The following ZNF626 variants were observed in gnomAD, a reference collection of about 807,000 sequenced individuals.
The protein encoded by ZNF626 is zinc finger protein 626.
Under a neutral mutation model 11.7 loss-of-function variants are expected in ZNF626, and 4 were observed. The observed-to-expected ratio is 0.34, with a 90% CI of 0.17 to 0.78. The LOEUF is 0.78. Among genes scored for constraint, ZNF626 ranks in the 30% least tolerant of loss-of-function variants. The probability of loss-of-function intolerance (pLI) is 0.57; values close to 1 mark genes in which losing one functional copy is unlikely to be tolerated. For missense variants in ZNF626, 588 were observed against 587.1 expected (o/e 1.00, Z -0.01); for synonymous variants, 179 against 198.6 (o/e 0.90, Z 0.83).
At chr19:20,636,955 C>T (rs1470592448) in intron 3 of ZNF626, among the ~76,000 whole-genome samples, 12 of 132,912 alleles carry the variant, frequency 9.0e-5, no homozygotes, top group Middle Eastern at 4.4e-3. Flanking sequence ...AAGGAGGTGG[C>T]GACTGTAATG....
intron 1 of ZNF626, among the ~76,000 whole-genome samples, chr19:20,660,488 TG>T (rs1970254064): frequency 6.6e-6 from 1 of 152,156 alleles, no homozygotes; most frequent in South Asian, 2.1e-4. Context: ...GCGCGATGAT[TG>T]GATCTCAGCT....
At chr19:20,642,035 T>C (rs1361730129) in intron 3 of ZNF626, among the ~76,000 whole-genome samples, 1 of 152,024 alleles carries the variant, frequency 6.6e-6, no homozygotes, top group African/African-American at 2.4e-5. Flanking sequence ...ATTAAACCCA[T>C]GTTGAAAATA....
rs540460021 is a variant in ZNF626 at position 20,641,509 on chromosome 19, AT to A, written c.226+4174del. ...AATTAGCAGTTGTTATTTCATGGGT[AT>A]TGAGTTTTAGTTTTGCAAGATGTAA... On this transcript the variant is annotated intron_variant, in intron 3 of 3. Coordinates refer to ENST00000601440, the MANE Select transcript of ZNF626 (RefSeq NM_001076675.3). 2.5e-3 allele frequency among the ~76,000 whole-genome samples: 374 copies of A among 152,272 alleles called. 1 individual carries two copies. The highest frequency in any genetic ancestry group is 4.4e-3 in the Non-Finnish European group (299 of 68,020).
intron 1 of ZNF626, among the ~76,000 whole-genome samples, chr19:20,655,439 T>C (rs1970194415): frequency 6.6e-6 from 1 of 152,208 alleles, no homozygotes; most frequent in Admixed American, 6.5e-5. Flanking sequence ...AATCTGTGTC[T>C]ACCTTAAAGG....
rs1969744222 is a variant in ZNF626, at chr19:20,620,418, A to G, written c.*3872T>C. The G allele has an allele frequency of 6.6e-6, 1 of 152,214 alleles. No individual in the cohort carries two copies. Among genetic ancestry groups the G allele is most frequent in the Non-Finnish European group, 1.5e-5 (1 of 68,040 alleles). The allele number at this position is 152,214 out of a possible 1,614,324, so 9.4% of individuals were successfully genotyped here. On this transcript the variant is annotated 3_prime_UTR_variant, in exon 4 of 4. Coordinates refer to ENST00000601440, the MANE Select transcript of ZNF626 (RefSeq NM_001076675.3). The stretch of plus-strand genomic sequence containing the variant: ...TCATTTCATAATTTTCTTACACCTA[A>G]GGTTTATCTTCAGAGGAATATGTGT...
chr19:20,652,204 T>G (rs1426526595), intron 1 of ZNF626, among the ~76,000 whole-genome samples: 1 of 152,028 alleles, frequency 6.6e-6, no homozygotes, highest in East Asian at 1.9e-4. Context: ...CACCTGGCTC[T>G]GCATCCTTTG....
chr19:20,658,309 G>C (rs1402419371), intron 1 of ZNF626, among the ~76,000 whole-genome samples: 1 of 152,104 alleles, frequency 6.6e-6, no homozygotes, highest in Non-Finnish European at 1.5e-5. Flanking sequence ...TGTATCTAGG[G>C]GTGGGGATAT....
chr19:20,638,314 A>C (rs573419340), intron 3 of ZNF626, among the ~76,000 whole-genome samples: 1 of 151,890 alleles, frequency 6.6e-6, no homozygotes, highest in South Asian at 2.1e-4. Context: ...AATCCCAGCT[A>C]CTCTGGAGGC....
intron 1 of ZNF626, among the ~76,000 whole-genome samples, chr19:20,660,243 TAA>T (rs35231346): frequency 0.083 from 8,742 of 104,718 alleles, 930 homozygotes; most frequent in African/African-American, 0.29. Context: ...ACACTGTGTC[TAA>T]AAAAAAAAAA....
Position 20,625,562 on chromosome 19 carries a change from T to G in ZNF626, c.315A>C (p.Lys105Asn). Residue 105 changes from lysine to asparagine, a missense_variant, in exon 4 of 4, where the codon AAA becomes AAC. By Grantham distance (94) the Lys-to-Asn change is moderately conservative. Transcript: ENST00000601440. Reference sequence around the variant, plus strand: ...TTAACTGTAAATTGTCATGTTCACATTTTTCATATCTTCTCAGTACCACTT... The same window carrying G: ...TTAACTGTAAATTGTCATGTTCACAGTTTTCATATCTTCTCAGTACCACTT... ...FQKVVLRRYEKCEHDNLQLKK... is the reference protein window; with the variant it reads ...FQKVVLRRYENCEHDNLQLKK... 1.2e-6 allele frequency: 2 copies of G among 1,612,476 alleles called. No homozygotes were observed. The highest frequency in any genetic ancestry group is 1.1e-5 in the South Asian group (1 of 90,628).
chr19:20,648,392 T>TC (rs1970108284), intron 1 of ZNF626, among the ~76,000 whole-genome samples: 1 of 148,734 alleles, frequency 6.7e-6, no homozygotes, highest in East Asian at 2.0e-4. Context: ...TTTTTTTTTT[T>TC]CTGAGATGGA....
At chr19:20,661,328 C>A in intron 1 of ZNF626, 116 bp downstream of exon 1, 1 of 1,385,188 alleles carries the variant, frequency 7.2e-7, no homozygotes, top group Non-Finnish European at 1.0e-6. Context: ...GCAAGGAGAA[C>A]TGGGGGAGCA....
intron 3 of ZNF626, among the ~76,000 whole-genome samples, chr19:20,630,568 G>A (rs1291775232): frequency 6.6e-6 from 1 of 152,134 alleles, no homozygotes; most frequent in African/African-American, 2.4e-5. Context: ...TATTTGCATA[G>A]AGGTGTTTAT....
At chr19:20,640,737 A>C (rs972150114) in intron 3 of ZNF626, among the ~76,000 whole-genome samples, 2 of 152,012 alleles carry the variant, frequency 1.3e-5, no homozygotes, top group African/African-American at 4.8e-5. Context: ...AAAAACACCA[A>C]ATCTGTTGAT....
chr19:20,645,676 A>G lies in ZNF626; in HGVS notation c.226+8T>C, dbSNP rs782428461. ...TCATCTGTTGTATTCATTTTCACTC[A>G]CACCTACCTGAGGGTTTGGCTATCA... On this transcript the variant is annotated splice_region_variant and intron_variant, in intron 3 of 3. Transcript: ENST00000601440. The G allele has an allele frequency of 6.2e-7, 1 of 1,605,880 alleles. No homozygotes were observed. Among genetic ancestry groups the G allele is most frequent in the Non-Finnish European group, 8.5e-7 (1 of 1,178,148 alleles).
Position 20,622,747 on chromosome 19 carries a change from CTTAT to C in ZNF626, c.*1539_*1542del, listed in dbSNP as rs1436066619. 1.3e-5 allele frequency: 2 copies of C among 152,124 alleles called. No homozygotes were observed. Among genetic ancestry groups the C allele is most frequent in the African/African-American group, 2.4e-5 (1 of 41,444 alleles). The allele number at this position is 152,124 out of a possible 1,614,324, so 9.4% of individuals were successfully genotyped here. A position where few individuals can be genotyped will look rare whatever the true frequency, so the allele number is the denominator to read the frequency against. ...TGAATTCATTTATATACTCAACACT[CTTAT>C]TTAATGTAATGTCTGAAGTGTCAGT... On this transcript the variant is annotated 3_prime_UTR_variant, in exon 4 of 4. Coordinates refer to ENST00000601440, the MANE Select transcript of ZNF626 (RefSeq NM_001076675.3).
chr19:20,627,826 C>T (rs1025370259), intron 3 of ZNF626, among the ~76,000 whole-genome samples: 17 of 151,992 alleles, frequency 1.1e-4, no homozygotes, highest in Non-Finnish European at 7.4e-5. Context: ...ATGTGCACAA[C>T]GTGCAGGTTT....
intron 3 of ZNF626, among the ~76,000 whole-genome samples, chr19:20,636,263 A>G (rs1419322169): frequency 2.0e-5 from 3 of 152,260 alleles, no homozygotes; most frequent in Admixed American, 2.0e-4. Context: ...TTATATTGGC[A>G]ATAGATACAT....
Position 20,652,667 on chromosome 19 carries a change from T to C in ZNF626, c.4-6262A>G, listed in dbSNP as rs75798328. Among the ~76,000 whole-genome samples, 309 of 152,266 alleles carry C rather than the reference T, an allele frequency of 2.0e-3. 13 individuals carry two copies. The East Asian group carries it at 0.047, about 23-fold the overall frequency. The stretch of plus-strand genomic sequence containing the variant: ...ATTCAAAGGGAGGAGAAAGACATAA[T>C]TGCACTTTTATTTTAACGTCTCTGA... On this transcript the variant is annotated intron_variant, in intron 1 of 3. Transcript: ENST00000601440.
Sources: allele counts gnomAD v4.1 joint callset (sites outside exome capture counted in the v4.1 genomes callset), GRCh38; gene constraint gnomAD v4.1.1; transcripts MANE v1.5; gene names NCBI Gene and HGNC (gene_info 2026-07-23, HGNC 2026-07-21).